The following PKHD1L1 variants were observed in gnomAD, a reference collection of about 807,000 sequenced individuals.
The protein encoded by PKHD1L1 is fibrocystin-L.
A neutral mutation model predicts 462.9 loss-of-function variants in PKHD1L1; 434 were observed. The ratio of observed to expected loss-of-function variants is 0.94; its 90% CI spans 0.87 to 1.02. PKHD1L1 has a LOEUF of 1.02. Among genes scored for constraint, PKHD1L1 ranks in the 50% least tolerant of loss-of-function variants. The pLI, the probability that PKHD1L1 is intolerant of heterozygous loss-of-function variation, is 0.00. For synonymous variants in PKHD1L1, 1,781 were observed against 1,750.0 expected (o/e 1.02, Z -0.44); for missense variants, 5,202 against 5,096.1 (o/e 1.02, Z -0.63).
chr8:109,373,171 T>A (rs1399401773), intron 2 of PKHD1L1, among the ~76,000 whole-genome samples: 42 of 151,974 alleles, frequency 2.8e-4, no homozygotes, highest in Non-Finnish European at 5.4e-4. Context: ...AATTATTGCC[T>A]CAATTTCAGA....
In PKHD1L1 at chr8:109,452,222, C is replaced by T; in HGVS notation, c.6449C>T (p.Thr2150Ile). The change falls in exon 42 of 78, where the codon ACT becomes ATT. Residue 2150 changes from threonine to isoleucine, a missense_variant. Physicochemically the swap from Thr to Ile is moderately conservative, Grantham distance 89. Transcript: ENST00000378402. ...THIICMTDAH[T>I]LSGWAPVCVH... ...ATCATCTGCATGACAGATGCCCATACTCTATCAGGGTGGGCTCCAGTTTGT... is the reference window on the plus strand; with the variant it reads ...ATCATCTGCATGACAGATGCCCATATTCTATCAGGGTGGGCTCCAGTTTGT... 3 of 1,612,766 alleles carry T rather than the reference C, an allele frequency of 1.9e-6. No homozygotes were observed. The highest frequency in any genetic ancestry group is 1.7e-6 in the Non-Finnish European group (2 of 1,179,328).
intron 38 of PKHD1L1, among the ~76,000 whole-genome samples, chr8:109,446,435 A>ACTTT (rs1816145815): frequency 6.6e-6 from 1 of 152,198 alleles, no homozygotes; most frequent in African/African-American, 2.4e-5. Context: ...TATAAAGTTA[A>ACTTT]AGAAGTTTAT....
Position 109,532,980 on chromosome 8 carries a change from TC to T in PKHD1L1, c.*2893del, listed in dbSNP as rs1821074131. Reference sequence around the variant, plus strand: ...AGCAATCCTATGAGGATAACCTTATTCCCTTCTCCAAATGAGGAAACTTGAA... The same window carrying T: ...AGCAATCCTATGAGGATAACCTTATTCCTTCTCCAAATGAGGAAACTTGAA... On this transcript the variant is annotated 3_prime_UTR_variant, in exon 78 of 78. Transcript: ENST00000378402. 6.6e-6 allele frequency among the ~76,000 whole-genome samples: 1 copy of T among 152,230 alleles called. No individual in the cohort carries two copies. The highest frequency in any genetic ancestry group is 2.1e-4 in the South Asian group (1 of 4,824).
chr8:109,479,725 A>G, intron 54 of PKHD1L1, 86 bp downstream of exon 54: 1 of 1,009,334 alleles, frequency 9.9e-7, no homozygotes, highest in East Asian at 2.6e-5. Flanking sequence ...TTTTATCAGC[A>G]CACCTTTCCA....
Position 109,485,107 on chromosome 8 carries a change from A to T in PKHD1L1, c.9640A>T (p.Ile3214Phe). 1 of 1,602,676 alleles carries T rather than the reference A, an allele frequency of 6.2e-7. No homozygotes were observed. The highest frequency in any genetic ancestry group is 8.5e-7 in the Non-Finnish European group (1 of 1,173,620). Reference sequence around the variant, plus strand: ...TTTCCACCAGACAGAAACAAGAAGTATCGTTAAAATCCTGCATGATCATAA... The same window carrying T: ...TTTCCACCAGACAGAAACAAGAAGTTTCGTTAAAATCCTGCATGATCATAA... Reference protein sequence around the residue: ...YDFHQTETRSIVKILHDHKIL... With the variant: ...YDFHQTETRSFVKILHDHKIL... Residue 3214 changes from isoleucine (I) to phenylalanine (F), a missense_variant, in exon 58 of 78, where the codon ATC (isoleucine) becomes TTC (phenylalanine). This residue lies in a region of PKHD1L1 where 4,497 missense variants were observed against 4,336.8 expected (regional missense o/e 1.04). Transcript: ENST00000378402.
intron 18 of PKHD1L1, 133 bp downstream of exon 18, chr8:109,408,339 A>G: frequency 1.3e-6 from 1 of 795,138 alleles, no homozygotes; most frequent in Admixed American, 3.1e-5. Context: ...CACCTGATCA[A>G]CTCACCACAA....
intron 73 of PKHD1L1, among the ~76,000 whole-genome samples, chr8:109,519,481 C>A (rs973280322): frequency 2.0e-5 from 3 of 152,102 alleles, no homozygotes; most frequent in Admixed American, 2.0e-4. Flanking sequence ...ATATGCATCT[C>A]TTGAGGTACT....
At chr8:109,457,363 G>A (rs1816882209) in intron 46 of PKHD1L1, among the ~76,000 whole-genome samples, 1 of 152,084 alleles carries the variant, frequency 6.6e-6, no homozygotes, top group African/African-American at 2.4e-5. Flanking sequence ...TAAAAAGCAG[G>A]AAAATGATAG....
chr8:109,370,544 C>T (rs1811450073), intron 2 of PKHD1L1, among the ~76,000 whole-genome samples: 1 of 150,920 alleles, frequency 6.6e-6, no homozygotes, highest in African/African-American at 2.4e-5. Context: ...TTTTAGGGTA[C>T]ATGTGCACAA....
intron 3 of PKHD1L1, 81 bp from the exon 4 acceptor site, chr8:109,382,382 T>C: frequency 8.8e-7 from 1 of 1,130,686 alleles, no homozygotes; most frequent in Non-Finnish European, 1.2e-6. Flanking sequence ...GCCTGCAGTC[T>C]GGGGCAGTAT....
At chr8:109,519,029 G>GT (rs1031212684) in intron 73 of PKHD1L1, among the ~76,000 whole-genome samples, 2 of 152,028 alleles carry the variant, frequency 1.3e-5, no homozygotes, top group Non-Finnish European at 2.9e-5. Context: ...GACTGTGGAT[G>GT]TTTTCTTAAG....
At chr8:109,396,543 C>T (rs9656791) in intron 11 of PKHD1L1, among the ~76,000 whole-genome samples, 25,487 of 152,170 alleles carry the variant, frequency 0.17, 2,372 homozygotes, top group South Asian at 0.29. Context: ...GGTTATTCTC[C>T]TCATACTCTT....
chr8:109,479,534 T>A lies in PKHD1L1; in HGVS notation c.9090-17T>A. 7.0e-7 allele frequency: 1 copy of A among 1,421,404 alleles called. No homozygotes were observed. The highest frequency in any genetic ancestry group is 1.2e-5 in the South Asian group (1 of 80,478). 88.0% of individuals were successfully genotyped at this position (1,421,404 alleles called of 1,614,324 possible). ...CACAAGTAGTAATTCATGGAAGTAT[T>A]TCTCTTCTCTTTTCAGTTTATGGTC... On this transcript the variant is annotated splice_polypyrimidine_tract_variant and intron_variant, in intron 53 of 77. Coordinates refer to ENST00000378402, the MANE Select transcript of PKHD1L1 (RefSeq NM_177531.6).
chr8:109,439,243 C>T (rs1165897857), intron 32 of PKHD1L1, among the ~76,000 whole-genome samples, 151 bp downstream of exon 32: 2 of 152,150 alleles, frequency 1.3e-5, no homozygotes, highest in Admixed American at 1.3e-4. Context: ...GAGAATATCT[C>T]ATACAACTGC....
chr8:109,457,242 T>G (rs1391977357), intron 46 of PKHD1L1, among the ~76,000 whole-genome samples: 1 of 152,192 alleles, frequency 6.6e-6, no homozygotes, highest in Non-Finnish European at 1.5e-5. Context: ...TTTGCCATAT[T>G]CCATGTTAAA....
rs895970489 is a variant in PKHD1L1 at position 109,438,587 on chromosome 8, G to A, written c.3760+131G>A. 8 of 771,120 alleles carry A rather than the reference G, an allele frequency of 1.0e-5. No homozygotes were observed. In the African/African-American group the frequency reaches 1.1e-4, roughly 11 times the overall value. The allele number at this position is 771,120 out of a possible 1,614,324, so 47.8% of individuals were successfully genotyped here. On this transcript the variant is annotated intron_variant, in intron 31 of 77. Transcript: ENST00000378402. ...AAACCAGTTATAGTGTTATGTGTGT[G>A]TATGTTTTATCATAGATTAATCTAT...
At chr8:109,465,674 A>C (rs975448534) in intron 49 of PKHD1L1, among the ~76,000 whole-genome samples, 1 of 152,212 alleles carries the variant, frequency 6.6e-6, no homozygotes, top group African/African-American at 2.4e-5. Flanking sequence ...GCTTATTTAC[A>C]AAAGCAATAT....
At position 109,440,839 on chromosome 8, in the gene PKHD1L1, T is replaced by C; in HGVS notation, c.4086T>C (p.Asn1362=). The C allele has an allele frequency of 6.2e-7, 1 of 1,612,554 alleles. No homozygotes were observed. The highest frequency in any genetic ancestry group is 8.5e-7 in the Non-Finnish European group (1 of 1,179,014). The change falls in exon 33 of 78, where the codon AAT becomes AAC. Residue 1362 remains asparagine, a synonymous_variant. Coordinates refer to ENST00000378402, the MANE Select transcript of PKHD1L1 (RefSeq NM_177531.6). ...GFGFSTIPAE[N]TVLLGSIPCN... Reference sequence around the variant, plus strand: ...GATTCAGCACAATACCAGCTGAGAATACCGTGCTGTTAGGTAAGAGCTTCA... The same window carrying C: ...GATTCAGCACAATACCAGCTGAGAACACCGTGCTGTTAGGTAAGAGCTTCA...
rs909723838 is a variant in PKHD1L1, at chr8:109,452,887, A to G, written c.6664+13A>G. The G allele has an allele frequency of 1.4e-6, 2 of 1,384,606 alleles. No individual in the cohort carries two copies. The highest frequency in any genetic ancestry group is 1.9e-6 in the Non-Finnish European group (2 of 1,056,560). The allele number at this position is 1,384,606 out of a possible 1,614,324, so 85.8% of individuals were successfully genotyped here. A position where few individuals can be genotyped will look rare whatever the true frequency, so the allele number is the denominator to read the frequency against. ...TTGCTTATTCAGGGTAAATTTCTGA[A>G]TATCTGTTCATTGGACTCTGCCTGA... On this transcript the variant is annotated intron_variant, in intron 43 of 77. Coordinates refer to ENST00000378402, the MANE Select transcript of PKHD1L1 (RefSeq NM_177531.6).
Sources: allele counts gnomAD v4.1 joint callset (sites outside exome capture counted in the v4.1 genomes callset), GRCh38; gene constraint gnomAD v4.1.1; regional missense constraint gnomAD v4.1.1; transcripts MANE v1.5; gene names NCBI Gene and HGNC (gene_info 2026-07-23, HGNC 2026-07-21).